The following ZNF804B variants were observed in gnomAD, a reference collection of about 807,000 sequenced individuals.
The protein encoded by ZNF804B is zinc finger protein 804B, also known as zinc finger 804B.
In ZNF804B, 80 loss-of-function variants were observed where a neutral mutation model predicts 101.4. The observed-to-expected ratio is 0.79, with a 90% CI of 0.66 to 0.95. The LOEUF (loss-of-function observed/expected upper bound fraction) is 0.95. Ranked by LOEUF, ZNF804B falls within the 40% of genes least tolerant of loss-of-function variation. ZNF804B has a pLI of 0.00. For missense variants in ZNF804B, 1,673 were observed against 1,561.9 expected, an observed-to-expected ratio of 1.07 and a Z score of -1.20; for synonymous variants, 622 against 558.8, an observed-to-expected ratio of 1.11 and a Z score of -1.59.
At position 88,952,075 on chromosome 7, in the gene ZNF804B, C is replaced by A. The variant is rs986125711; in HGVS notation, c.108+191991C>A. 2.0e-5 allele frequency among the ~76,000 whole-genome samples: 3 copies of A among 151,828 alleles called. No individual in the cohort carries two copies. In the East Asian group the frequency reaches 5.9e-4, roughly 30 times the overall value. On this transcript the variant is annotated intron_variant, in intron 1 of 3. Coordinates refer to ENST00000333190, the MANE Select transcript of ZNF804B (RefSeq NM_181646.5). ...CTCTGAAATGTCATTTGGAGGAGTC[C>A]CTGATTCCATGGGGGAGAAATGTGG...
intron 1 of ZNF804B, among the ~76,000 whole-genome samples, chr7:88,953,749 C>G (rs950130273): frequency 2.0e-5 from 3 of 151,446 alleles, no homozygotes; most frequent in Non-Finnish European, 4.4e-5. Flanking sequence ...ACCTAGTCTC[C>G]CAAAACAAAA....
chr7:89,293,954 A>C (rs938703329), intron 2 of ZNF804B, among the ~76,000 whole-genome samples: 3 of 151,882 alleles, frequency 2.0e-5, no homozygotes, highest in Non-Finnish European at 4.4e-5. Flanking sequence ...CGGTTTTGTT[A>C]AAAGTTTGTA....
At chr7:88,865,636 C>T (rs1477023500) in intron 1 of ZNF804B, among the ~76,000 whole-genome samples, 1 of 152,194 alleles carries the variant, frequency 6.6e-6, no homozygotes, top group African/African-American at 2.4e-5. Context: ...TTAGTTCCCT[C>T]TCTCCTTTCT....
intron 1 of ZNF804B, among the ~76,000 whole-genome samples, chr7:88,899,195 T>A (rs2115948267): frequency 6.6e-6 from 1 of 152,360 alleles, no homozygotes; most frequent in East Asian, 1.9e-4. Context: ...CCGCATTCTT[T>A]ATATATGATA....
intron 1 of ZNF804B, among the ~76,000 whole-genome samples, chr7:89,087,174 G>C (rs1282675846): frequency 1.3e-5 from 2 of 151,930 alleles, no homozygotes. Context: ...AAGCTTAAAT[G>C]AATTTCATTT....
chr7:89,107,457 TTTC>T (rs1350882936), intron 1 of ZNF804B, among the ~76,000 whole-genome samples: 1 of 152,184 alleles, frequency 6.6e-6, no homozygotes, highest in Non-Finnish European at 1.5e-5. Context: ...CCAACACTCC[TTTC>T]TTAGCAAATC....
intron 1 of ZNF804B, among the ~76,000 whole-genome samples, chr7:88,873,053 C>G (rs923747648): frequency 6.6e-6 from 1 of 151,866 alleles, no homozygotes; most frequent in Admixed American, 6.6e-5. Flanking sequence ...ACACTGACTT[C>G]CACAATGGTT....
At chr7:88,870,082 A>T (rs1791795479) in intron 1 of ZNF804B, among the ~76,000 whole-genome samples, 1 of 152,108 alleles carries the variant, frequency 6.6e-6, no homozygotes, top group Admixed American at 6.5e-5. Context: ...GCCAACTGTC[A>T]CCATTAGAAA....
Position 88,759,862 on chromosome 7 carries a change from C to A in ZNF804B, c.-115C>A. 1 of 806,332 alleles carries A rather than the reference C, an allele frequency of 1.2e-6. No individual in the cohort carries two copies. The highest frequency in any genetic ancestry group is 2.1e-5 in the Admixed American group (1 of 47,296). The allele number at this position is 806,332 out of a possible 1,614,324, so 49.9% of individuals were successfully genotyped here. On this transcript the variant is annotated 5_prime_UTR_variant, in exon 1 of 4. In the 5' UTR this introduces an upstream ATG that the reference lacks. Coordinates refer to ENST00000333190, the MANE Select transcript of ZNF804B (RefSeq NM_181646.5). ...TGCCACCGCCTCCCCCTGCGTCCTG[C>A]TGGCCGCGTCTTCTCGGGAGGTGGT...
At chr7:88,987,081 A>T (rs865860321) in intron 1 of ZNF804B, among the ~76,000 whole-genome samples, 1 of 152,098 alleles carries the variant, frequency 6.6e-6, no homozygotes, top group Non-Finnish European at 1.5e-5. Flanking sequence ...AAGGATGGCT[A>T]CTTACTTGTC....
chr7:89,235,341 G>T (rs1016348740), intron 2 of ZNF804B, among the ~76,000 whole-genome samples: 1 of 152,188 alleles, frequency 6.6e-6, no homozygotes, highest in Middle Eastern at 3.4e-3. Context: ...TTATTGTCAA[G>T]TCTTCTCCAT....
At chr7:89,226,806 C>T (rs1789096777) in intron 2 of ZNF804B, among the ~76,000 whole-genome samples, 1 of 152,026 alleles carries the variant, frequency 6.6e-6, no homozygotes, top group Admixed American at 6.6e-5. Context: ...ATATCTTCTT[C>T]CTGGAGTTAG....
chr7:89,330,687 A>G (rs1790964707), intron 3 of ZNF804B, among the ~76,000 whole-genome samples: 1 of 151,632 alleles, frequency 6.6e-6, no homozygotes, highest in African/African-American at 2.4e-5. Context: ...AAAAGTAAGA[A>G]GTGTCAAAGA....
intron 1 of ZNF804B, among the ~76,000 whole-genome samples, chr7:89,181,035 A>T (rs537653758): frequency 6.6e-6 from 1 of 150,552 alleles, no homozygotes; most frequent in African/African-American, 2.4e-5. Context: ...CTGGTACCCT[A>T]CTCTACTGTG....
chr7:89,009,275 C>G (rs549571118), intron 1 of ZNF804B, among the ~76,000 whole-genome samples: 1 of 152,168 alleles, frequency 6.6e-6, no homozygotes, highest in East Asian at 1.9e-4. Context: ...ATCCTTTATT[C>G]TTGATTTCTA....
intron 1 of ZNF804B, among the ~76,000 whole-genome samples, chr7:88,917,724 T>C (rs1457758770): frequency 6.6e-6 from 1 of 152,138 alleles, no homozygotes; most frequent in African/African-American, 2.4e-5. Context: ...TAAATTTTGA[T>C]GTTATAATAC....
chr7:88,942,501 A>AGT (rs72429940), intron 1 of ZNF804B, among the ~76,000 whole-genome samples: 16,089 of 86,836 alleles, frequency 0.19, 969 homozygotes, highest in East Asian at 0.33. Flanking sequence ...TATTTGAGTG[A>AGT]GTGTGTGTGT....
chr7:89,270,823 A>G (rs1335505494), intron 2 of ZNF804B, among the ~76,000 whole-genome samples: 1 of 152,100 alleles, frequency 6.6e-6, no homozygotes, highest in Admixed American at 6.6e-5. Context: ...AGTATGTTTG[A>G]AGAAATTGTG....
At chr7:88,908,107 A>G (rs1409882248) in intron 1 of ZNF804B, among the ~76,000 whole-genome samples, 1 of 151,868 alleles carries the variant, frequency 6.6e-6, no homozygotes, top group African/African-American at 2.4e-5. Context: ...CTCAGACGAT[A>G]AAGTAATTAC....
Sources: allele counts gnomAD v4.1 joint callset (sites outside exome capture counted in the v4.1 genomes callset), GRCh38; gene constraint gnomAD v4.1.1; transcripts MANE v1.5; gene names NCBI Gene and HGNC (gene_info 2026-07-23, HGNC 2026-07-21).